The following HS3ST4 variants were observed in gnomAD, a reference collection of about 807,000 sequenced individuals.
The protein encoded by HS3ST4 is heparan sulfate-glucosamine 3-sulfotransferase 4, also known as heparan sulfate glucosamine 3-O-sulfotransferase 4.
HS3ST4 carries 17 observed loss-of-function variants against 29.2 expected under a neutral mutation model. The observed-to-expected ratio is 0.58, with a 90% CI of 0.40 to 0.87. The LOEUF (loss-of-function observed/expected upper bound fraction) is 0.87. Among genes scored for constraint, HS3ST4 ranks in the 40% least tolerant of loss-of-function variants. HS3ST4 has a pLI of 0.00. For missense variants in HS3ST4, 627 were observed against 634.5 expected, an observed-to-expected ratio of 0.99 and a Z score of 0.13; for synonymous variants, 314 against 285.7, an observed-to-expected ratio of 1.10 and a Z score of -1.00.
chr16:25,987,746 G>T, intron 1 of HS3ST4, among the ~76,000 whole-genome samples: 1 of 152,030 alleles, frequency 6.6e-6, no homozygotes, highest in East Asian at 1.9e-4. Flanking sequence ...GAGAAACTTA[G>T]ATCTGCAAGA....
At chr16:25,932,456 G>C (rs747448606) in intron 1 of HS3ST4, among the ~76,000 whole-genome samples, 11 of 152,168 alleles carry the variant, frequency 7.2e-5, no homozygotes, top group Non-Finnish European at 1.3e-4. Context: ...TTTAGCCTAG[G>C]GGAGGAGTGG....
At chr16:26,104,986 T>G (rs1899033493) in intron 1 of HS3ST4, among the ~76,000 whole-genome samples, 1 of 152,158 alleles carries the variant, frequency 6.6e-6, no homozygotes, top group Non-Finnish European at 1.5e-5. Flanking sequence ...CACCTGATAC[T>G]TTCATTATTT....
chr16:25,997,776 C>G (rs1324862640), intron 1 of HS3ST4, among the ~76,000 whole-genome samples: 1 of 152,162 alleles, frequency 6.6e-6, no homozygotes, highest in Non-Finnish European at 1.5e-5. Context: ...GCCCCATGCT[C>G]TGGCTGATTT....
chr16:25,965,464 T>C (rs548221019), intron 1 of HS3ST4, among the ~76,000 whole-genome samples: 45 of 151,746 alleles, frequency 3.0e-4, no homozygotes, highest in African/African-American at 1.0e-3. Context: ...ACGGGAGGAG[T>C]TTCCTCAGTC....
intron 1 of HS3ST4, among the ~76,000 whole-genome samples, chr16:25,944,725 C>T (rs1279315842): frequency 4.6e-5 from 7 of 152,092 alleles, no homozygotes; most frequent in Admixed American, 3.3e-4. Flanking sequence ...TCTTCCTACC[C>T]GTCCTCTAAC....
chr16:25,952,596 T>C (rs1288407908), intron 1 of HS3ST4, among the ~76,000 whole-genome samples: 1 of 152,160 alleles, frequency 6.6e-6, no homozygotes, highest in Non-Finnish European at 1.5e-5. Flanking sequence ...GGCTTAAGGA[T>C]CACAGGCACT....
At chr16:25,796,328 C>T (rs1009692350) in intron 1 of HS3ST4, among the ~76,000 whole-genome samples, 2 of 152,040 alleles carry the variant, frequency 1.3e-5, no homozygotes, top group East Asian at 3.9e-4. Flanking sequence ...CTTTTAAATC[C>T]CAGCTGCCTC....
At chr16:25,779,266 T>C (rs913565794) in intron 1 of HS3ST4, among the ~76,000 whole-genome samples, 3 of 152,178 alleles carry the variant, frequency 2.0e-5, no homozygotes, top group Non-Finnish European at 4.4e-5. Flanking sequence ...CAATGGAGGC[T>C]GGAAGAAAAC....
At chr16:25,906,180 T>C (rs1968177733) in intron 1 of HS3ST4, among the ~76,000 whole-genome samples, 1 of 152,208 alleles carries the variant, frequency 6.6e-6, no homozygotes, top group African/African-American at 2.4e-5. Context: ...GGATCTTTTG[T>C]CCTTGATCCT....
At chr16:25,858,676 A>G (rs1319999013) in intron 1 of HS3ST4, among the ~76,000 whole-genome samples, 1 of 152,004 alleles carries the variant, frequency 6.6e-6, no homozygotes, top group African/African-American at 2.4e-5. Context: ...AATATTTTCA[A>G]TGGTTATTTG....
chr16:26,064,695 G>T (rs558311622), intron 1 of HS3ST4, among the ~76,000 whole-genome samples: 1 of 136,342 alleles, frequency 7.3e-6, no homozygotes, highest in Non-Finnish European at 1.5e-5. Flanking sequence ...TTGGCTCACC[G>T]CAACCTCTGC....
At chr16:25,946,889 A>T (rs561309633) in intron 1 of HS3ST4, among the ~76,000 whole-genome samples, 4 of 152,220 alleles carry the variant, frequency 2.6e-5, no homozygotes, top group Non-Finnish European at 5.9e-5. Flanking sequence ...AGTAGTGCAC[A>T]CTCAAGGAAC....
At chr16:25,991,453 G>C (rs1969113167) in intron 1 of HS3ST4, among the ~76,000 whole-genome samples, 1 of 152,210 alleles carries the variant, frequency 6.6e-6, no homozygotes, top group Non-Finnish European at 1.5e-5. Flanking sequence ...AACTGAGACA[G>C]AGTACCATTA....
chr16:26,029,949 A>T (rs987843673), intron 1 of HS3ST4, among the ~76,000 whole-genome samples: 3 of 152,242 alleles, frequency 2.0e-5, no homozygotes, highest in Admixed American at 2.0e-4. Context: ...GCTGAAAAAC[A>T]CCCGTCCCCT....
intron 1 of HS3ST4, among the ~76,000 whole-genome samples, chr16:25,726,389 G>A (rs1321035091): frequency 6.6e-6 from 1 of 151,954 alleles, no homozygotes; most frequent in Non-Finnish European, 1.5e-5. Flanking sequence ...CATGTAAATT[G>A]CTTTCAATGT....
chr16:25,937,443 C>T (rs191332371), intron 1 of HS3ST4, among the ~76,000 whole-genome samples: 108 of 152,246 alleles, frequency 7.1e-4, no homozygotes, highest in African/African-American at 2.5e-3. Flanking sequence ...GGGACTCCTA[C>T]GTGATCTTAT....
intron 1 of HS3ST4, among the ~76,000 whole-genome samples, chr16:25,815,224 C>T (rs1035188352): frequency 6.6e-6 from 1 of 152,214 alleles, no homozygotes; most frequent in South Asian, 2.1e-4. Flanking sequence ...TTTGCTTAAT[C>T]TCACCCATGT....
intron 1 of HS3ST4, among the ~76,000 whole-genome samples, chr16:25,947,950 G>A (rs1026779086): frequency 2.0e-5 from 3 of 152,074 alleles, no homozygotes; most frequent in African/African-American, 7.2e-5. Context: ...TACCTCCATC[G>A]GGAGGATCAA....
chr16:25,908,738 C>T (rs551588158), intron 1 of HS3ST4, among the ~76,000 whole-genome samples: 1 of 152,262 alleles, frequency 6.6e-6, no homozygotes, highest in South Asian at 2.1e-4. Context: ...GTTATCAGTT[C>T]AATGTCAGGA....
Sources: gnomAD v4.1 joint callset for allele counts (sites outside exome capture counted in the v4.1 genomes callset) on GRCh38, gnomAD v4.1.1 for gene constraint, MANE v1.5 for transcripts, NCBI Gene and HGNC (gene_info 2026-07-23, HGNC 2026-07-21) for gene names.